Variants in NLRC3 observed in about 807,000 individuals in gnomAD.
NLRC3 encodes the protein NLR family CARD domain containing 3, also known as NLR family CARD domain-containing protein 3.
Under a neutral mutation model 91.6 loss-of-function variants are expected in NLRC3, and 87 were observed. That is an observed-to-expected ratio of 0.95 (90% CI 0.80 to 1.14). The LOEUF is 1.14. Ranked by LOEUF, NLRC3 falls within the 50% of genes most tolerant of loss-of-function variation. The pLI is 0.00. For synonymous variants in NLRC3, 694 were observed against 625.3 expected, an observed-to-expected ratio of 1.11 and a Z score of -1.64; for missense variants, 1,577 against 1,418.6, an observed-to-expected ratio of 1.11 and a Z score of -1.79.
At chr16:3,553,408 T>C (rs1294460448) in intron 9 of NLRC3, among the ~76,000 whole-genome samples, 1 of 152,232 alleles carries the variant, frequency 6.6e-6, no homozygotes, top group Non-Finnish European at 1.5e-5. Context: ...AGCTCTAAAG[T>C]ACCTGCGTGT....
At chr16:3,551,669 A>G (rs1044047491) in intron 10 of NLRC3, among the ~76,000 whole-genome samples, 3 of 151,082 alleles carry the variant, frequency 2.0e-5, no homozygotes, top group African/African-American at 7.3e-5. Flanking sequence ...CCGTCCATCT[A>G]TCCATCCATC....
chr16:3,551,702 CTCAG>C (rs1015325379), intron 10 of NLRC3, among the ~76,000 whole-genome samples: 25 of 148,280 alleles, frequency 1.7e-4, no homozygotes, highest in African/African-American at 6.3e-4. Context: ...CATTCATCCA[CTCAG>C]TCATTCATCT....
At position 3,541,761 on chromosome 16, in the gene NLRC3, C is replaced by T. The variant is rs185340145; in HGVS notation, c.*64G>A. 559 of 1,098,610 alleles carry T rather than the reference C, an allele frequency of 5.1e-4. 1 individual carries two copies. Among genetic ancestry groups the T allele is most frequent in the African/African-American group, 4.8e-3 (313 of 64,920 alleles). The allele number at this position is 1,098,610 out of a possible 1,614,324, so 68.1% of individuals were successfully genotyped here. A position where few individuals can be genotyped will look rare whatever the true frequency, so the allele number is the denominator to read the frequency against. ...GCTCCCAGACAGGCCCCCCAGAAGT[C>T]GGCCTTTCTGTTCAAAAGCTTCCAG... On this transcript the variant is annotated 3_prime_UTR_variant, in exon 20 of 20. Coordinates refer to ENST00000359128, the MANE Select transcript of NLRC3 (RefSeq NM_178844.4).
chr16:3,564,055 G>C lies in NLRC3; in HGVS notation c.882C>G (p.Ile294Met). ...TEIRGFNEEE[I>M]KVCLEQMFPE... ...GGAACATCTGCTCCAAACACACCTT[G>C]ATCTCCTCCTCGTTAAAGCCCCGGA... The change falls in exon 5 of 20, where the codon ATC (isoleucine) becomes ATG (methionine). Residue 294 changes from isoleucine to methionine, a missense_variant. Ile to Met is a conservative substitution (Grantham distance 10). Coordinates refer to ENST00000359128, the MANE Select transcript of NLRC3 (RefSeq NM_178844.4). This position sits in a 1 kb window ranked among gnomAD's most constrained non-coding sequence, Gnocchi z 5.9. The C allele has an allele frequency of 6.2e-7, 1 of 1,612,770 alleles. No homozygotes were observed. Among genetic ancestry groups the C allele is most frequent in the Non-Finnish European group, 8.5e-7 (1 of 1,179,888 alleles).
rs968120212 is a variant in NLRC3 at position 3,542,241 on chromosome 16, C to T, written c.3057G>A (p.Ala1019=). Residue 1019 remains alanine (A), a synonymous_variant, in exon 19 of 20, where the codon GCG becomes GCA. Transcript: ENST00000359128. ...CAGACAGTGCTGTGGCAATGCATAT[C>T]GCCCCGTCCATCCCCAGAGAATTCT... is the stretch of plus-strand genomic sequence containing the variant. ...LQENSLGMDG[A]ICIATALSGN... The T allele has an allele frequency of 6.9e-6, 11 of 1,594,404 alleles. No individual in the cohort carries two copies. The highest frequency in any genetic ancestry group is 1.1e-5 in the South Asian group (1 of 87,116).
At chr16:3,570,996 T>C (rs756310989) in intron 1 of NLRC3, among the ~76,000 whole-genome samples, 2 of 152,152 alleles carry the variant, frequency 1.3e-5, no homozygotes, top group Non-Finnish European at 2.9e-5. Context: ...ATATATTCCA[T>C]ATATGTAAAA....
chr16:3,561,385 C>G (rs1206845396), intron 6 of NLRC3, among the ~76,000 whole-genome samples: 1 of 152,128 alleles, frequency 6.6e-6, no homozygotes, highest in Non-Finnish European at 1.5e-5. Context: ...TGCTGTTGGA[C>G]AGCAAACTTG....
At chr16:3,549,945 C>G (rs1363188951) in intron 11 of NLRC3, among the ~76,000 whole-genome samples, 165 bp from the exon 12 acceptor site, 1 of 152,294 alleles carries the variant, frequency 6.6e-6, no homozygotes, top group Admixed American at 6.5e-5. Flanking sequence ...CTCTCCCAGC[C>G]CCCCACCTTC....
chr16:3,564,260 G>T lies in NLRC3; in HGVS notation c.677C>A (p.Thr226Lys). 2 of 1,612,498 alleles carry T rather than the reference G, an allele frequency of 1.2e-6. No individual in the cohort carries two copies. Among genetic ancestry groups the T allele is most frequent in the Non-Finnish European group, 1.7e-6 (2 of 1,179,670 alleles). Residue 226 changes from threonine (T) to lysine (K), a missense_variant, in exon 5 of 20, where the codon ACG becomes AAG. Transcript: ENST00000359128. This position sits in a 1 kb window ranked among gnomAD's most constrained non-coding sequence, Gnocchi z 5.9. ...LILDGLDECR[T>K]PLDFSNTVAC... ...CACGGTGTTGGAGAAGTCCAGAGGC[G>T]TCCTGCACTCATCCAAGCCGTCCAG...
intron 1 of NLRC3, among the ~76,000 whole-genome samples, chr16:3,575,794 T>C (rs2040266852): frequency 6.6e-6 from 1 of 152,218 alleles, no homozygotes; most frequent in South Asian, 2.1e-4. Flanking sequence ...GGTCCTTCCC[T>C]GCCACTTGGC....
intron 10 of NLRC3, 64 bp from the exon 11 acceptor site, chr16:3,550,561 G>A: frequency 1.6e-6 from 2 of 1,246,678 alleles, no homozygotes; most frequent in Non-Finnish European, 1.2e-6. Context: ...TGGGCAGAGG[G>A]ATCAGAGTCA....
chr16:3,559,770 C>G (rs1024960334), intron 6 of NLRC3, among the ~76,000 whole-genome samples: 9 of 151,538 alleles, frequency 5.9e-5, no homozygotes, highest in African/African-American at 1.9e-4. Flanking sequence ...TCCTGAGTAG[C>G]AGGGATTACA....
chr16:3,565,772 G>C (rs1224629843), intron 2 of NLRC3, among the ~76,000 whole-genome samples: 2 of 150,208 alleles, frequency 1.3e-5, no homozygotes, highest in East Asian at 3.9e-4. Context: ...GCTGGGCACA[G>C]TGACTCACAC....
intron 15 of NLRC3, 152 bp from the exon 16 acceptor site, chr16:3,544,481 C>A: frequency 1.6e-6 from 1 of 628,938 alleles, no homozygotes; most frequent in Non-Finnish European, 2.9e-6. Flanking sequence ...CCTCCACAGG[C>A]CCTGCAGCCC....
intron 6 of NLRC3, 43 bp from the exon 7 acceptor site, chr16:3,557,719 C>T: frequency 8.1e-7 from 1 of 1,234,300 alleles, no homozygotes; most frequent in South Asian, 1.2e-5. Context: ...TAGGCATGCA[C>T]ATCTCATGGC....
intron 9 of NLRC3, among the ~76,000 whole-genome samples, chr16:3,553,509 C>A (rs1045383410): frequency 1.3e-5 from 2 of 152,144 alleles, no homozygotes; most frequent in African/African-American, 4.8e-5. Context: ...TTAGGATAAA[C>A]GGCAAATGGT....
chr16:3,571,926 C>T (rs1364937915), intron 1 of NLRC3, among the ~76,000 whole-genome samples: 8 of 151,164 alleles, frequency 5.3e-5, no homozygotes, highest in Admixed American at 1.3e-4. Context: ...GGTGACAGAG[C>T]GAGACTCCAT....
Position 3,563,063 on chromosome 16 carries a change from C to A in NLRC3, c.1874G>T (p.Ser625Ile), listed in dbSNP as rs1250676523. 6.4e-7 allele frequency: 1 copy of A among 1,563,704 alleles called. No individual in the cohort carries two copies. The highest frequency in any genetic ancestry group is 1.9e-5 in the Admixed American group (1 of 52,878). The change falls in exon 5 of 20, where the codon AGC becomes ATC. Residue 625 changes from serine (S) to isoleucine (I), a missense_variant. Coordinates refer to ENST00000359128, the MANE Select transcript of NLRC3 (RefSeq NM_178844.4). ...AQEANLSLSL[S>I]QGVLQSLLPQ... The stretch of plus-strand genomic sequence containing the variant: ...CAGCAGGCTCTGAAGGACGCCCTGG[C>A]TGAGGCTCAGGGACAGGTTGGCCTC...
At chr16:3,548,021 G>A in intron 15 of NLRC3, 114 bp downstream of exon 15, 2 of 695,842 alleles carry the variant, frequency 2.9e-6, no homozygotes, top group Non-Finnish European at 5.0e-6. Context: ...TGGCCTTAGG[G>A]AAGAGGAGTG....
Sources: allele counts gnomAD v4.1 joint callset (sites outside exome capture counted in the v4.1 genomes callset), GRCh38; gene constraint gnomAD v4.1.1; non-coding constraint Gnocchi (gnomAD v3.1); transcripts MANE v1.5; gene names NCBI Gene and HGNC (gene_info 2026-07-23, HGNC 2026-07-21).